The following ABI3BP variants were observed in gnomAD, a reference collection of about 807,000 sequenced individuals.
ABI3BP encodes target of Nesh-SH3.
In ABI3BP, 216 loss-of-function variants were observed where a neutral mutation model predicts 268.6. The ratio of observed to expected loss-of-function variants is 0.80; its 90% CI spans 0.72 to 0.90. The LOEUF (loss-of-function observed/expected upper bound fraction) is 0.90. Ranked by LOEUF, ABI3BP falls within the 40% of genes least tolerant of loss-of-function variation. The pLI, the probability that ABI3BP is intolerant of heterozygous loss-of-function variation, is 0.00. For missense variants in ABI3BP, 2,090 were observed against 2,182.4 expected, an observed-to-expected ratio of 0.96 and a Z score of 0.84; for synonymous variants, 730 against 730.0, an observed-to-expected ratio of 1.00 and a Z score of 0.00.
intron 14 of ABI3BP, among the ~76,000 whole-genome samples, chr3:100,857,119 C>A (rs2098949208): frequency 6.6e-6 from 1 of 152,040 alleles, no homozygotes; most frequent in African/African-American, 2.4e-5. Flanking sequence ...GAAATGAAGA[C>A]CCATAGATCA....
chr3:100,908,782 TC>T (rs1036462324), intron 2 of ABI3BP, among the ~76,000 whole-genome samples: 22 of 152,154 alleles, frequency 1.4e-4, no homozygotes, highest in Non-Finnish European at 3.1e-4. Context: ...GGAAAAACAT[TC>T]CATGCTCATG....
chr3:100,927,301 C>A (rs2062081688), intron 1 of ABI3BP, among the ~76,000 whole-genome samples: 1 of 152,072 alleles, frequency 6.6e-6, no homozygotes, highest in Non-Finnish European at 1.5e-5. Context: ...TGTCTTTTGC[C>A]TTTGGAGCCA....
intron 45 of ABI3BP, among the ~76,000 whole-genome samples, chr3:100,812,986 TCC>T (rs1479157197): frequency 6.6e-6 from 1 of 152,130 alleles, no homozygotes; most frequent in African/African-American, 2.4e-5. Context: ...GCTCAAGCGA[TCC>T]TCCTACCTGA....
chr3:100,957,234 G>T (rs1260014267), intron 1 of ABI3BP, among the ~76,000 whole-genome samples: 1 of 152,138 alleles, frequency 6.6e-6, no homozygotes, highest in Non-Finnish European at 1.5e-5. Flanking sequence ...TGAAAGCAGA[G>T]CTAAAAAATT....
chr3:100,841,938 G>A (rs1012786058), intron 21 of ABI3BP, 60 bp downstream of exon 21: 12 of 1,218,304 alleles, frequency 9.8e-6, no homozygotes, highest in East Asian at 2.6e-5. Flanking sequence ...GCTGAACAAA[G>A]TTGAACATGG....
At chr3:100,962,743 C>A (rs1024875139) in intron 1 of ABI3BP, among the ~76,000 whole-genome samples, 1 of 152,196 alleles carries the variant, frequency 6.6e-6, no homozygotes, top group Non-Finnish European at 1.5e-5. Context: ...TCCATAAGCT[C>A]AAACTCATCT....
intron 14 of ABI3BP, among the ~76,000 whole-genome samples, chr3:100,853,729 C>T (rs1371310166): frequency 6.6e-6 from 1 of 152,154 alleles, no homozygotes; most frequent in African/African-American, 2.4e-5. Context: ...ATCCATCTCC[C>T]CTCGTTATTC....
intron 20 of ABI3BP, chr3:100,844,218 C>T (rs1417816235): frequency 1.0e-6 from 1 of 985,282 alleles, no homozygotes; most frequent in East Asian, 1.1e-4. Flanking sequence ...GAACAATTTA[C>T]AATTCTATCC....
intron 1 of ABI3BP, among the ~76,000 whole-genome samples, chr3:100,937,445 A>C (rs1297083693): frequency 6.6e-6 from 1 of 152,076 alleles, no homozygotes; most frequent in African/African-American, 2.4e-5. Context: ...AAACATTTAT[A>C]GCTCATCCCT....
At chr3:100,817,262 C>A (rs2098083974) in intron 42 of ABI3BP, among the ~76,000 whole-genome samples, 174 bp downstream of exon 42, 1 of 152,060 alleles carries the variant, frequency 6.6e-6, no homozygotes, top group African/African-American at 2.4e-5. Flanking sequence ...TAATAGGTAA[C>A]TTCTAAGGAT....
intron 40 of ABI3BP, 133 bp from the exon 41 acceptor site, chr3:100,818,714 G>A: frequency 3.9e-6 from 3 of 765,432 alleles, no homozygotes; most frequent in Non-Finnish European, 6.3e-6. Flanking sequence ...TGAAGACTTG[G>A]CCATCTTATA....
intron 63 of ABI3BP, among the ~76,000 whole-genome samples, chr3:100,764,826 A>C (rs886129925): frequency 6.6e-6 from 1 of 152,214 alleles, no homozygotes; most frequent in Non-Finnish European, 1.5e-5. Flanking sequence ...TTACTGACAT[A>C]TGCTTATTTT....
intron 59 of ABI3BP, among the ~76,000 whole-genome samples, chr3:100,777,925 A>C (rs1372482919): frequency 1.3e-5 from 2 of 152,230 alleles, no homozygotes; most frequent in Admixed American, 6.5e-5. Context: ...AGGAGACAGA[A>C]TGATAAGTCA....
At chr3:100,969,478 A>G (rs2082642422) in intron 1 of ABI3BP, among the ~76,000 whole-genome samples, 1 of 152,234 alleles carries the variant, frequency 6.6e-6, no homozygotes, top group African/African-American at 2.4e-5. Context: ...AAATGTGGCC[A>G]GCAGCAGATC....
chr3:100,908,333 C>T lies in ABI3BP; in HGVS notation c.260-5647G>A, dbSNP rs562967219. Among the ~76,000 whole-genome samples the T allele has an allele frequency of 1.1e-3, 171 of 152,222 alleles. 2 individuals are homozygous for T. The highest frequency in any genetic ancestry group is 3.9e-3 in the African/African-American group (163 of 41,528). ...ACAATGATACTGGGTAAAAAAACAA[C>T]GGGACTGTTGATAACTGAGTTGAAT... is the stretch of plus-strand genomic sequence containing the variant. On this transcript the variant is annotated intron_variant, in intron 2 of 67. Coordinates refer to ENST00000471714, the MANE Select transcript of ABI3BP (RefSeq NM_001375547.2).
chr3:100,803,825 G>C (rs2152391814), intron 51 of ABI3BP, among the ~76,000 whole-genome samples: 1 of 152,252 alleles, frequency 6.6e-6, no homozygotes, highest in East Asian at 1.9e-4. Flanking sequence ...GGGCAAAGGA[G>C]ATTCTCTCTA....
intron 1 of ABI3BP, among the ~76,000 whole-genome samples, chr3:100,976,770 C>T (rs951820621): frequency 2.0e-5 from 3 of 152,130 alleles, no homozygotes; most frequent in South Asian, 2.1e-4. Flanking sequence ...CAGGGGAATT[C>T]GGGGATGTAG....
intron 57 of ABI3BP, among the ~76,000 whole-genome samples, chr3:100,783,887 T>C (rs2096944705): frequency 2.6e-5 from 4 of 152,212 alleles, no homozygotes; most frequent in Admixed American, 2.6e-4. Flanking sequence ...GGTGTGTGCA[T>C]GGCTTGTAGC....
At chr3:100,795,375 G>C (rs529130868) in intron 53 of ABI3BP, among the ~76,000 whole-genome samples, 2 of 152,102 alleles carry the variant, frequency 1.3e-5, no homozygotes, top group East Asian at 3.9e-4. Context: ...TCATCTCCTT[G>C]AGTCTGCTTG....
Sources: gnomAD v4.1 joint callset for allele counts (sites outside exome capture counted in the v4.1 genomes callset) on GRCh38, gnomAD v4.1.1 for gene constraint, MANE v1.5 for transcripts, NCBI Gene and HGNC (gene_info 2026-07-23, HGNC 2026-07-21) for gene names.